Variants in CNBD2 observed in about 807,000 individuals in gnomAD.
CNBD2 encodes the protein cyclic nucleotide-binding domain-containing protein 2.
CNBD2 carries 64 observed loss-of-function variants against 63.7 expected under a neutral mutation model. The ratio of observed to expected loss-of-function variants is 1.00; its 90% confidence interval spans 0.82 to 1.24. CNBD2 has a LOEUF of 1.24. Ranked by LOEUF, CNBD2 falls within the 50% of genes most tolerant of loss-of-function variation. The pLI, the probability that CNBD2 is intolerant of heterozygous loss-of-function variation, is 0.00. For missense variants in CNBD2, 691 were observed against 713.5 expected (o/e 0.97, Z 0.36); for synonymous variants, 229 against 255.4 (o/e 0.90, Z 0.99).
intron 7 of CNBD2, among the ~76,000 whole-genome samples, chr20:35,989,278 T>G (rs1171593649): frequency 6.6e-6 from 1 of 152,242 alleles, no homozygotes; most frequent in Non-Finnish European, 1.5e-5. Context: ...TCTTACAGAT[T>G]AAGCCACCAC....
chr20:36,001,228 G>A (rs932386039), intron 8 of CNBD2, among the ~76,000 whole-genome samples: 1 of 152,026 alleles, frequency 6.6e-6, no homozygotes, highest in Non-Finnish European at 1.5e-5. Flanking sequence ...TTGTCATCAT[G>A]GCCCGTTCTC....
chr20:36,004,993 T>A (rs2056965116), intron 8 of CNBD2, among the ~76,000 whole-genome samples: 2 of 152,224 alleles, frequency 1.3e-5, no homozygotes, highest in Non-Finnish European at 2.9e-5. Context: ...TTTTTAATAG[T>A]TGAGTTTTAT....
At chr20:35,994,061 G>T (rs138370855) in intron 7 of CNBD2, among the ~76,000 whole-genome samples, 5,704 of 138,036 alleles carry the variant, frequency 0.041, 221 homozygotes, top group African/African-American at 0.12. Context: ...GTTTTTTTTT[G>T]TTTGTTTGTT....
At chr20:35,978,591 G>A (rs1158530341) in intron 3 of CNBD2, among the ~76,000 whole-genome samples, 4 of 152,126 alleles carry the variant, frequency 2.6e-5, no homozygotes, top group Admixed American at 6.5e-5. Flanking sequence ...TGATCCGTCC[G>A]CCTTGGCCTC....
At position 36,022,661 on chromosome 20, in the gene CNBD2, C is replaced by T. The variant is rs944580006; in HGVS notation, c.1270-941C>T. 4.8e-5 allele frequency among the ~76,000 whole-genome samples: 7 copies of T among 146,430 alleles called. No homozygotes were observed. In the South Asian group the frequency reaches 6.5e-4, roughly 14 times the overall value. ...ATTTTACTTTTTTGGGATAGTCTCT[C>T]GCTCTGTTGCCCAGGCTGGAGTGCA... On this transcript the variant is annotated intron_variant, in intron 10 of 11. Transcript: ENST00000373973.
In CNBD2 at chr20:35,996,050, TGAA is replaced by T. The variant is rs201771647; in HGVS notation, c.970+903_970+905del. Among the ~76,000 whole-genome samples, 48 of 152,306 alleles carry T rather than the reference TGAA, an allele frequency of 3.2e-4. 1 individual carries two copies. In the East Asian group the frequency reaches 9.1e-3, roughly 29 times the overall value. ...AGATCTTAGACTACACATTCTTCCT[TGAA>T]GAAGTCTTCCTGGTTTCTCATGCTG... On this transcript the variant is annotated intron_variant, in intron 8 of 11. Transcript: ENST00000373973.
chr20:36,025,265 C>T (rs1477926186), intron 11 of CNBD2, among the ~76,000 whole-genome samples: 1 of 152,046 alleles, frequency 6.6e-6, no homozygotes, highest in Non-Finnish European at 1.5e-5. Context: ...TGGTAAGAGT[C>T]GTTTTCTCTG....
In CNBD2 at chr20:35,968,685, G is replaced by A. The variant is rs917615859; in HGVS notation, c.-78G>A. On this transcript the variant is annotated 5_prime_UTR_variant, in exon 1 of 12. Coordinates refer to ENST00000373973, the MANE Select transcript of CNBD2 (RefSeq NM_001365709.1). ...AAATCTATTTGTTTCTAGTATTACT[G>A]GATTTTTGGGGAAAAATTTGTAGTC... 2.6e-6 allele frequency: 3 copies of A among 1,135,466 alleles called. No homozygotes were observed. The highest frequency in any genetic ancestry group is 3.9e-6 in the Non-Finnish European group (3 of 769,964). The allele number at this position is 1,135,466 out of a possible 1,614,324, so 70.3% of individuals were successfully genotyped here. A position where few individuals can be genotyped will look rare whatever the true frequency, so the allele number is the denominator to read the frequency against.
intron 9 of CNBD2, among the ~76,000 whole-genome samples, chr20:36,008,766 A>G (rs956122314): frequency 5.3e-5 from 8 of 152,152 alleles, no homozygotes; most frequent in African/African-American, 1.9e-4. Flanking sequence ...TGGCTCTGAC[A>G]TTCTGTCAGT....
At chr20:35,999,772 G>GGTGGA (rs770763601) in intron 8 of CNBD2, among the ~76,000 whole-genome samples, 41 of 151,948 alleles carry the variant, frequency 2.7e-4, no homozygotes, top group Non-Finnish European at 4.6e-4. Flanking sequence ...CCACCTCCTG[G>GGTGGA]GTTCAAGTGA....
intron 8 of CNBD2, among the ~76,000 whole-genome samples, chr20:36,005,152 A>G (rs1395236191): frequency 6.6e-6 from 1 of 152,188 alleles, no homozygotes; most frequent in Non-Finnish European, 1.5e-5. Context: ...AAATTCTGAG[A>G]ATTACTGGAT....
At chr20:35,954,395 G>A (rs113606286), upstream of CNBD2, 88 of 1,561,490 alleles carry the variant, frequency 5.6e-5, no homozygotes, top group Non-Finnish European at 7.2e-5. Context: ...CAGAGCTCGC[G>A]TCACCCTTGA....
chr20:35,970,305 G>A (rs1462997035), intron 1 of CNBD2, among the ~76,000 whole-genome samples: 1 of 152,158 alleles, frequency 6.6e-6, no homozygotes, highest in Non-Finnish European at 1.5e-5. Flanking sequence ...TTGATTATAT[G>A]CATAGTAAGT....
chr20:36,008,535 T>C (rs2057015479), intron 9 of CNBD2, 61 bp downstream of exon 9: 2 of 1,483,680 alleles, frequency 1.3e-6, no homozygotes, highest in Admixed American at 4.5e-5. Context: ...GAGATAATAC[T>C]TATATGGCAG....
intron 1 of CNBD2, among the ~76,000 whole-genome samples, chr20:35,970,697 CTGTTTGTT>C (rs967554676): frequency 6.6e-6 from 1 of 151,978 alleles, no homozygotes; most frequent in Non-Finnish European, 1.5e-5. Context: ...TGTGCCAGAG[CTGTTTGTT>C]TGTTTGTTTG....
upstream of CNBD2, among the ~76,000 whole-genome samples, chr20:35,966,582 A>G (rs2056346246): frequency 6.6e-6 from 1 of 152,140 alleles, no homozygotes; most frequent in African/African-American, 2.4e-5. Flanking sequence ...CAGAGATTTG[A>G]GTTCTAGTCA....
intron 8 of CNBD2, among the ~76,000 whole-genome samples, chr20:36,005,599 T>C (rs116071605): frequency 4.2e-4 from 64 of 152,266 alleles, no homozygotes; most frequent in African/African-American, 1.5e-3. Flanking sequence ...GGGCTTTTTA[T>C]ATGTGTTTTG....
chr20:35,992,098 C>T (rs370319893), intron 7 of CNBD2, among the ~76,000 whole-genome samples: 3 of 152,292 alleles, frequency 2.0e-5, no homozygotes, highest in African/African-American at 4.8e-5. Flanking sequence ...CCAGGCTGGT[C>T]TCAAACTCCT....
At chr20:35,974,186 A>C (rs2056465670) in intron 2 of CNBD2, 1 of 153,728 alleles carries the variant, frequency 6.5e-6, no homozygotes, top group Non-Finnish European at 1.5e-5. Flanking sequence ...TCAGATACAA[A>C]TATTATATTT....
Sources: gnomAD v4.1 joint callset for allele counts (sites outside exome capture counted in the v4.1 genomes callset) on GRCh38, gnomAD v4.1.1 for gene constraint, MANE v1.5 for transcripts, NCBI Gene and HGNC (gene_info 2026-07-23, HGNC 2026-07-21) for gene names.